Variants in ZNF578 observed in about 807,000 individuals in gnomAD.
ZNF578 encodes the protein Putative chemokine-related protein B42.
A neutral mutation model predicts 8.3 loss-of-function variants in ZNF578; 8 were observed. That is an observed-to-expected ratio of 0.96 (90% CI 0.56 to 1.74). ZNF578 has a LOEUF of 1.74. ZNF578 is among the 40% of genes most tolerant of loss of function. ZNF578 has a pLI of 0.00. For synonymous variants in ZNF578, 206 were observed against 232.2 expected (o/e 0.89, Z 1.03); for missense variants, 726 against 707.5 (o/e 1.03, Z -0.30).
At chr19:52,482,731 G>C (rs527665855) in intron 2 of ZNF578, among the ~76,000 whole-genome samples, 51 of 152,086 alleles carry the variant, frequency 3.4e-4, no homozygotes, top group Non-Finnish European at 6.3e-4. Flanking sequence ...AAGGTCAGGA[G>C]TTCAAGACCA....
chr19:52,482,917 G>A (rs1048458084), intron 2 of ZNF578, among the ~76,000 whole-genome samples: 3 of 149,250 alleles, frequency 2.0e-5, no homozygotes, highest in African/African-American at 7.5e-5. Flanking sequence ...CTGCAGCCTG[G>A]GTGACAGAGT....
chr19:52,498,298 A>G (rs1193501046), intron 3 of ZNF578, among the ~76,000 whole-genome samples: 1 of 147,490 alleles, frequency 6.8e-6, no homozygotes, highest in Non-Finnish European at 1.5e-5. Context: ...CAGAGACTAC[A>G]GGTGCCCACC....
At chr19:52,480,035 G>A (rs1342669871) in intron 2 of ZNF578, among the ~76,000 whole-genome samples, 2 of 151,942 alleles carry the variant, frequency 1.3e-5, no homozygotes, top group Admixed American at 6.6e-5. Flanking sequence ...TCAGCCTCCC[G>A]AGTAGCTGGG....
chr19:52,465,589 C>G (rs1358227665), intron 2 of ZNF578, among the ~76,000 whole-genome samples: 3 of 152,132 alleles, frequency 2.0e-5, no homozygotes, highest in Non-Finnish European at 4.4e-5. Context: ...CTTTTAAGGT[C>G]CTTTCCAACT....
intron 2 of ZNF578, among the ~76,000 whole-genome samples, chr19:52,489,858 T>C (rs2059359287): frequency 6.6e-6 from 1 of 151,924 alleles, no homozygotes; most frequent in South Asian, 2.1e-4. Context: ...GGGTTTCACC[T>C]TGGTAGCCAG....
At chr19:52,462,644 C>G (rs772435952) in intron 2 of ZNF578, among the ~76,000 whole-genome samples, 1 of 152,154 alleles carries the variant, frequency 6.6e-6, no homozygotes, top group Non-Finnish European at 1.5e-5. Context: ...GCTGGGTCAG[C>G]CTCTTGATGT....
intron 5 of ZNF578, among the ~76,000 whole-genome samples, chr19:52,506,143 A>G (rs942227290): frequency 1.3e-5 from 2 of 151,942 alleles, no homozygotes; most frequent in African/African-American, 4.8e-5. Flanking sequence ...GACGTGATTC[A>G]CTTGCCTCGG....
intron 2 of ZNF578, among the ~76,000 whole-genome samples, chr19:52,459,713 A>ATGTGTGTATATATATGTGTG (rs1187045005): frequency 1.1e-4 from 2 of 18,238 alleles, no homozygotes; most frequent in Non-Finnish European, 2.8e-4. Flanking sequence ...ATATGTAGAT[A>ATGTGTGTATATATATGTGTG]TGTGTGTGTG....
intron 3 of ZNF578, among the ~76,000 whole-genome samples, chr19:52,499,556 T>G (rs1481049154): frequency 6.6e-6 from 1 of 152,168 alleles, no homozygotes; most frequent in Admixed American, 6.6e-5. Flanking sequence ...TCCGAAAACT[T>G]AGCTGAACTT....
chr19:52,511,960 T>G lies in ZNF578; in HGVS notation c.1579T>G (p.Ser527Ala). ...GACTTTTAATGTACAGTCACACCTT[T>G]CACGTCATCATAGACTTCATACTGG... ...GKTFNVQSHL[S>A]RHHRLHTGEK... Residue 527 changes from serine to alanine, a missense_variant, in exon 6 of 6, where the codon TCA (serine) becomes GCA (alanine). Transcript: ENST00000421239. 1 of 1,613,424 alleles carries G rather than the reference T, an allele frequency of 6.2e-7. No homozygotes were observed. The highest frequency in any genetic ancestry group is 8.5e-7 in the Non-Finnish European group (1 of 1,179,768).
chr19:52,476,307 A>G (rs2059308191), intron 2 of ZNF578, among the ~76,000 whole-genome samples: 1 of 152,128 alleles, frequency 6.6e-6, no homozygotes, highest in South Asian at 2.1e-4. Context: ...ACATCACTAT[A>G]TGTCCTGCAT....
rs536247864 is a variant in ZNF578, at chr19:52,511,313, G to C, written c.932G>C (p.Gly311Ala). The C allele has an allele frequency of 3.7e-6, 6 of 1,614,018 alleles. No homozygotes were observed. The highest frequency in any genetic ancestry group is 5.1e-6 in the Non-Finnish European group (6 of 1,180,006). The part of the protein sequence containing the change: ...SLTCHRRCHT[G>A]EKPYKCNECG... ...ACATGCCATCGTAGATGTCACACTGGTGAGAAACCTTACAAGTGTAATGAA... is the reference window on the plus strand; with the variant it reads ...ACATGCCATCGTAGATGTCACACTGCTGAGAAACCTTACAAGTGTAATGAA... The change falls in exon 6 of 6, where the codon GGT becomes GCT. Residue 311 changes from glycine to alanine, a missense_variant. Gly to Ala is a moderately conservative substitution (Grantham distance 60). Transcript: ENST00000421239.
At chr19:52,484,938 T>A (rs2059339745) in intron 2 of ZNF578, among the ~76,000 whole-genome samples, 1 of 141,726 alleles carries the variant, frequency 7.1e-6, no homozygotes, top group Non-Finnish European at 1.5e-5. Flanking sequence ...TGGTGGTCTC[T>A]TCACAAAATT....
chr19:52,501,803 G>T (rs2059408521), intron 3 of ZNF578, 24 bp from the exon 4 acceptor site: 8 of 1,609,310 alleles, frequency 5.0e-6, no homozygotes, highest in Non-Finnish European at 6.8e-6. Flanking sequence ...CTAACCTGAA[G>T]TCTTATTTTT....
At chr19:52,482,222 G>A (rs1031211082) in intron 2 of ZNF578, among the ~76,000 whole-genome samples, 11 of 152,142 alleles carry the variant, frequency 7.2e-5, no homozygotes, top group Middle Eastern at 3.2e-3. Flanking sequence ...TAGTAGAGAC[G>A]GGGTTTCTTC....
chr19:52,508,893 ATTTTT>A (rs869062581), intron 5 of ZNF578, among the ~76,000 whole-genome samples: 1,224 of 82,070 alleles, frequency 0.015, 8 homozygotes, highest in African/African-American at 0.055. Context: ...CTATTAGTCA[ATTTTT>A]TTTTTTTTTT....
At chr19:52,455,942 T>A (rs1426165614) in intron 1 of ZNF578, 1 of 152,296 alleles carries the variant, frequency 6.6e-6, no homozygotes. Context: ...CTCTCTGACC[T>A]CATCCGCTAC....
intron 2 of ZNF578, among the ~76,000 whole-genome samples, chr19:52,488,458 A>C (rs2059353302): frequency 6.6e-6 from 1 of 151,912 alleles, no homozygotes; most frequent in African/African-American, 2.4e-5. Flanking sequence ...AAATACAAAA[A>C]ATTAGCCGGG....
In ZNF578 at chr19:52,511,864, A is replaced by G. The variant is rs1475115302; in HGVS notation, c.1483A>G (p.Arg495Gly). 1.2e-6 allele frequency: 2 copies of G among 1,613,530 alleles called. No homozygotes were observed. Among genetic ancestry groups the G allele is most frequent in the South Asian group, 1.1e-5 (1 of 91,052 alleles). The change falls in exon 6 of 6, where the codon AGG becomes GGG. Residue 495 changes from arginine to glycine, a missense_variant. By Grantham distance (125) the Arg-to-Gly change is moderately radical (BLOSUM62 -2). Coordinates refer to ENST00000421239, the MANE Select transcript of ZNF578 (RefSeq NM_001099694.2). ...TGAGTGTCACAAGACCTTCAGTCACAGGTCATCTCTTCCATGCCATCGTAG... is the reference window on the plus strand; with the variant it reads ...TGAGTGTCACAAGACCTTCAGTCACGGGTCATCTCTTCCATGCCATCGTAG... Reference protein sequence around the residue: ...CNECHKTFSHRSSLPCHRRLH... With the variant: ...CNECHKTFSHGSSLPCHRRLH...
Sources: allele counts gnomAD v4.1 joint callset (sites outside exome capture counted in the v4.1 genomes callset), GRCh38; gene constraint gnomAD v4.1.1; transcripts MANE v1.5; gene names NCBI Gene and HGNC (gene_info 2026-07-23, HGNC 2026-07-21).